SLC39A11: variants seen among roughly 807,000 people sequenced by gnomAD.
SLC39A11 encodes the protein zinc transporter ZIP11.
Under a neutral mutation model 36.1 loss-of-function variants are expected in SLC39A11, and 33 were observed. The observed-to-expected ratio is 0.91, with a 90% CI of 0.69 to 1.22. The LOEUF (loss-of-function observed/expected upper bound fraction) is 1.22, where lower values mean the gene tolerates loss of function less well. SLC39A11 is among the 50% of genes most tolerant of loss of function. The pLI, the probability that SLC39A11 is intolerant of heterozygous loss-of-function variation, is 0.00. For synonymous variants in SLC39A11, 166 were observed against 170.3 expected (o/e 0.97, Z 0.20); for missense variants, 432 against 430.3 (o/e 1.00, Z -0.03).
intron 6 of SLC39A11, among the ~76,000 whole-genome samples, chr17:72,785,964 CCACCCTT>C (rs2076499876): frequency 6.6e-6 from 1 of 152,148 alleles, no homozygotes; most frequent in Non-Finnish European, 1.5e-5. Flanking sequence ...TTGGCCAAGC[CCACCCTT>C]CAGGCTGCTG....
chr17:72,851,765 CTA>C (rs1350503340), intron 5 of SLC39A11, among the ~76,000 whole-genome samples: 1 of 152,164 alleles, frequency 6.6e-6, no homozygotes, highest in African/African-American at 2.4e-5. Context: ...ACCAATTAAG[CTA>C]TTTCTATACT....
At chr17:72,957,012 C>A (rs1406113205) in intron 4 of SLC39A11, among the ~76,000 whole-genome samples, 1 of 152,054 alleles carries the variant, frequency 6.6e-6, no homozygotes, top group Non-Finnish European at 1.5e-5. Flanking sequence ...ATGGCACATG[C>A]ACCTGGCAGC....
At chr17:72,926,498 A>G (rs911715085) in intron 5 of SLC39A11, among the ~76,000 whole-genome samples, 1 of 150,714 alleles carries the variant, frequency 6.6e-6, no homozygotes, top group African/African-American at 2.5e-5. Context: ...ATTGCTTTGA[A>G]TGTTTTGGGG....
intron 6 of SLC39A11, among the ~76,000 whole-genome samples, chr17:72,834,954 C>A (rs2078458995): frequency 1.3e-5 from 2 of 152,208 alleles, no homozygotes; most frequent in African/African-American, 4.8e-5. Context: ...GTCGCCTGTG[C>A]AGGAGATGAC....
intron 5 of SLC39A11, among the ~76,000 whole-genome samples, chr17:72,867,231 G>A (rs1324838764): frequency 1.3e-5 from 2 of 152,164 alleles, no homozygotes; most frequent in African/African-American, 2.4e-5. Context: ...CAGGAGTGGT[G>A]GCTCACACCT....
chr17:73,040,720 C>G (rs143030568), intron 3 of SLC39A11, among the ~76,000 whole-genome samples: 12 of 152,274 alleles, frequency 7.9e-5, no homozygotes, highest in African/African-American at 2.9e-4. Flanking sequence ...CACGGTGGCT[C>G]ATGCCTGAAA....
chr17:72,671,202 G>A (rs886975133), intron 7 of SLC39A11, among the ~76,000 whole-genome samples: 2 of 152,132 alleles, frequency 1.3e-5, no homozygotes, highest in Admixed American at 6.5e-5. Flanking sequence ...CCAATGAACT[G>A]ACACAAACTC....
At chr17:72,788,640 G>A (rs1020322496) in intron 6 of SLC39A11, among the ~76,000 whole-genome samples, 1 of 152,256 alleles carries the variant, frequency 6.6e-6, no homozygotes, top group Non-Finnish European at 1.5e-5. Flanking sequence ...GGAGGCAGGA[G>A]GGCCCCTCGT....
chr17:72,786,164 T>A (rs11658980), intron 6 of SLC39A11, among the ~76,000 whole-genome samples: 11,121 of 152,096 alleles, frequency 0.073, 428 homozygotes, highest in African/African-American at 0.086. Context: ...AAACCAGGAG[T>A]CAGGGCCTGG....
At chr17:72,650,785 T>C (rs974871100) in intron 7 of SLC39A11, among the ~76,000 whole-genome samples, 2 of 152,136 alleles carry the variant, frequency 1.3e-5, no homozygotes, top group Non-Finnish European at 2.9e-5. Context: ...AATCTACCCA[T>C]TGCTGCAAGG....
intron 7 of SLC39A11, among the ~76,000 whole-genome samples, chr17:72,705,507 C>T (rs1476031173): frequency 6.6e-6 from 1 of 152,192 alleles, no homozygotes; most frequent in African/African-American, 2.4e-5. Context: ...CCACTTGTAA[C>T]GATGGGATCT....
At chr17:73,042,759 G>A (rs1399363585) in intron 3 of SLC39A11, among the ~76,000 whole-genome samples, 1 of 152,158 alleles carries the variant, frequency 6.6e-6, no homozygotes, top group Non-Finnish European at 1.5e-5. Flanking sequence ...CCGAGAACAC[G>A]CCATTGCACT....
rs149377442 is a variant in SLC39A11 at position 72,777,337 on chromosome 17, A to G, written c.602-40618T>C. ...AAAATTGTAAATCATGCCAGGGAAT[A>G]GTATACTGGGTTGACCAGTATCCCC... On this transcript the variant is annotated intron_variant, in intron 6 of 9. Transcript: ENST00000255559. 2.0e-4 allele frequency among the ~76,000 whole-genome samples: 31 copies of G among 152,302 alleles called. No homozygotes were observed. The East Asian group carries it at 5.6e-3, about 27-fold the overall frequency.
chr17:72,869,710 A>G (rs778617447), intron 5 of SLC39A11, among the ~76,000 whole-genome samples: 2 of 151,954 alleles, frequency 1.3e-5, no homozygotes, highest in Non-Finnish European at 2.9e-5. Flanking sequence ...ATTGATTTTC[A>G]TAATACAAAA....
chr17:72,944,481 T>C (rs566823642), intron 5 of SLC39A11, among the ~76,000 whole-genome samples: 1 of 152,274 alleles, frequency 6.6e-6, no homozygotes, highest in Admixed American at 6.5e-5. Context: ...ACTGGGTGTA[T>C]GCAGCCATCT....
intron 6 of SLC39A11, among the ~76,000 whole-genome samples, chr17:72,772,604 T>A (rs1297470147): frequency 3.3e-5 from 5 of 152,010 alleles, no homozygotes; most frequent in African/African-American, 7.3e-5. Context: ...AGAAGGTAAG[T>A]GTGGAGGAGG....
intron 4 of SLC39A11, among the ~76,000 whole-genome samples, chr17:72,995,063 T>C (rs1256025178): frequency 1.3e-5 from 2 of 152,176 alleles, no homozygotes. Flanking sequence ...TTAGATTATA[T>C]ATGATACAGC....
rs566800317 is a variant in SLC39A11, at chr17:72,977,813, T to A, written c.307-29938A>T. On this transcript the variant is annotated intron_variant, in intron 4 of 9. Coordinates refer to ENST00000255559, the MANE Select transcript of SLC39A11 (RefSeq NM_139177.4). ...GCTCCCAAAGTGAATGAATGCTTCC[T>A]ATTCAATAAAGCAGTAAAGTACCGA... 1.7e-3 allele frequency among the ~76,000 whole-genome samples: 263 copies of A among 152,318 alleles called. 1 individual carries two copies. The highest frequency in any genetic ancestry group is 5.9e-3 in the African/African-American group (245 of 41,580).
At chr17:72,658,256 C>G (rs991420565) in intron 7 of SLC39A11, among the ~76,000 whole-genome samples, 1 of 152,146 alleles carries the variant, frequency 6.6e-6, no homozygotes, top group Non-Finnish European at 1.5e-5. Flanking sequence ...TCTCCGTGGG[C>G]TGGATGCAGG....
Sources: gnomAD v4.1 joint callset for allele counts (sites outside exome capture counted in the v4.1 genomes callset) on GRCh38, gnomAD v4.1.1 for gene constraint, MANE v1.5 for transcripts, NCBI Gene and HGNC (gene_info 2026-07-23, HGNC 2026-07-21) for gene names.